Variants in PMM2 observed in about 807,000 individuals in gnomAD.
The protein encoded by PMM2 is mannose-6-phosphate isomerase.
PMM2 carries 35 observed loss-of-function variants against 33.2 expected under a neutral mutation model. The ratio of observed to expected loss-of-function variants is 1.06; its 90% CI spans 0.81 to 1.40. The LOEUF (loss-of-function observed/expected upper bound fraction) is 1.40, where lower values mean the gene tolerates loss of function less well. Ranked by LOEUF, PMM2 falls within the 40% of genes most tolerant of loss-of-function variation. The pLI is 0.00. For synonymous variants in PMM2, 153 were observed against 114.7 expected (o/e 1.33, Z -2.13); for missense variants, 386 against 306.0 (o/e 1.26, Z -1.95).
chr16:8,846,823 C>A (rs1378702714), intron 7 of PMM2, among the ~76,000 whole-genome samples: 2 of 152,170 alleles, frequency 1.3e-5, no homozygotes, highest in East Asian at 3.8e-4. Context: ...GTTCCAGAGA[C>A]CCTGCTTTTA....
At chr16:8,842,851 G>T (rs574070460) in intron 7 of PMM2, among the ~76,000 whole-genome samples, 1 of 152,102 alleles carries the variant, frequency 6.6e-6, no homozygotes, top group African/African-American at 2.4e-5. Context: ...GTTGAGCGGG[G>T]TAAGGGTGAT....
At chr16:8,819,050 A>G (rs1409723290) in intron 7 of PMM2, among the ~76,000 whole-genome samples, 1 of 152,242 alleles carries the variant, frequency 6.6e-6, no homozygotes, top group African/African-American at 2.4e-5. Context: ...ACATGAAAAC[A>G]TTCTAACACT....
At position 8,811,661 on chromosome 16, in the gene PMM2, T is replaced by C; in HGVS notation, c.471T>C (p.Phe157=). ...LDKKENIRQK[F]VADLRKEFAG... ...AGAAAGAAAATATAAGACAAAAGTT[T>C]GTAGCAGATCTACGGAAAGAGTTTG... The change falls in exon 6 of 8, where the codon TTT becomes TTC. Residue 157 remains phenylalanine (F), a synonymous_variant. Coordinates refer to ENST00000268261, the MANE Select transcript of PMM2 (RefSeq NM_000303.3). 6.2e-7 allele frequency: 1 copy of C among 1,612,952 alleles called. No homozygotes were observed. Among genetic ancestry groups the C allele is most frequent in the South Asian group, 1.1e-5 (1 of 91,060 alleles).
chr16:8,848,752 C>A lies in PMM2; in HGVS notation c.*927C>A, dbSNP rs1469294055. 1 of 152,228 alleles carries A rather than the reference C, an allele frequency of 6.6e-6. No individual in the cohort carries two copies. Among genetic ancestry groups the A allele is most frequent in the Non-Finnish European group, 1.5e-5 (1 of 68,062 alleles). 9.4% of individuals were successfully genotyped at this position (152,228 alleles called of 1,614,324 possible). On this transcript the variant is annotated 3_prime_UTR_variant, in exon 8 of 8. Coordinates refer to ENST00000268261, the MANE Select transcript of PMM2 (RefSeq NM_000303.3). Reference sequence around the variant, plus strand: ...AGTTTCTCAGGGATGGAGCGAGAGCCCAGCCAGAGAACAGTAAGAGGAGCT... The same window carrying A: ...AGTTTCTCAGGGATGGAGCGAGAGCACAGCCAGAGAACAGTAAGAGGAGCT...
At chr16:8,822,067 TTTA>T (rs1277993771) in intron 7 of PMM2, among the ~76,000 whole-genome samples, 1 of 152,296 alleles carries the variant, frequency 6.6e-6, no homozygotes, top group East Asian at 1.9e-4. Flanking sequence ...AGACTGGAGT[TTTA>T]TTATTCCTCA....
rs1365138793 is a variant in PMM2, at chr16:8,847,920, C to G, written c.*95C>G. ...GTCCTCCCACACGTGCTCACCCACC[C>G]GCAGCCTAGGCAGGCTCTGCATGCT... On this transcript the variant is annotated 3_prime_UTR_variant, in exon 8 of 8. Transcript: ENST00000268261. 3 of 903,816 alleles carry G rather than the reference C, an allele frequency of 3.3e-6. No individual in the cohort carries two copies. The highest frequency in any genetic ancestry group is 5.3e-6 in the Non-Finnish European group (3 of 561,194). The allele number at this position is 903,816 out of a possible 1,614,324, so 56.0% of individuals were successfully genotyped here. A position where few individuals can be genotyped will look rare whatever the true frequency, so the allele number is the denominator to read the frequency against.
intron 2 of PMM2, chr16:8,802,439 C>T (rs888713997): frequency 5.3e-6 from 2 of 374,286 alleles, no homozygotes; most frequent in Admixed American, 3.6e-5. Context: ...ATGTAGCATT[C>T]TGTAATTATT....
chr16:8,827,291 G>A (rs1487689290), intron 7 of PMM2, among the ~76,000 whole-genome samples: 1 of 150,422 alleles, frequency 6.6e-6, no homozygotes, highest in Non-Finnish European at 1.5e-5. Context: ...AAATAATTCA[G>A]TTGACTGAGA....
At chr16:8,812,778 A>G (rs556350695) in intron 6 of PMM2, among the ~76,000 whole-genome samples, 6 of 152,226 alleles carry the variant, frequency 3.9e-5, no homozygotes, top group Non-Finnish European at 7.3e-5. Context: ...CTGTGCCTCA[A>G]TTTTAGACCT....
intron 7 of PMM2, among the ~76,000 whole-genome samples, chr16:8,830,592 GT>G (rs1596498957): frequency 6.6e-6 from 1 of 152,156 alleles, no homozygotes; most frequent in African/African-American, 2.4e-5. Context: ...CATATTACCT[GT>G]CTGGGTGGCG....
chr16:8,808,191 G>C (rs1190599195), intron 4 of PMM2: 1 of 152,202 alleles, frequency 6.6e-6, no homozygotes, highest in Admixed American at 6.5e-5. Context: ...GGGGAGGCCT[G>C]CATGAGACAG....
chr16:8,829,894 G>A (rs2060799964), intron 7 of PMM2, among the ~76,000 whole-genome samples: 1 of 152,156 alleles, frequency 6.6e-6, no homozygotes, highest in South Asian at 2.1e-4. Context: ...CAAACCAAGA[G>A]TATTCCTCCA....
chr16:8,832,946 G>C, intron 7 of PMM2: 41 of 718,052 alleles, frequency 5.7e-5, no homozygotes, highest in Non-Finnish European at 6.8e-5. Context: ...CCCAAGAGCT[G>C]TCTGTTGATG....
intron 7 of PMM2, among the ~76,000 whole-genome samples, chr16:8,815,761 G>A (rs760231068): frequency 1.6e-4 from 25 of 152,142 alleles, no homozygotes; most frequent in Non-Finnish European, 3.1e-4. Context: ...TGATATTTTA[G>A]ATGTGACACC....
intron 7 of PMM2, among the ~76,000 whole-genome samples, chr16:8,825,045 G>A (rs956848275): frequency 6.6e-6 from 1 of 152,138 alleles, no homozygotes; most frequent in Non-Finnish European, 1.5e-5. Flanking sequence ...TTTTGTTGTT[G>A]TTTGAGGTGG....
At chr16:8,839,866 TG>T (rs1194638562) in intron 7 of PMM2, among the ~76,000 whole-genome samples, 1 of 18,812 alleles carries the variant, frequency 5.3e-5, no homozygotes, top group African/African-American at 1.7e-4. Flanking sequence ...GGTCCGAATA[TG>T]GGGGGAGAAA....
Position 8,847,963 on chromosome 16 carries a change from T to C in PMM2, c.*138T>C. 1 of 661,040 alleles carries C rather than the reference T, an allele frequency of 1.5e-6. No individual in the cohort carries two copies. Among genetic ancestry groups the C allele is most frequent in the East Asian group, 2.7e-5 (1 of 36,492 alleles). 40.9% of individuals were successfully genotyped at this position (661,040 alleles called of 1,614,324 possible). On this transcript the variant is annotated 3_prime_UTR_variant, in exon 8 of 8. Coordinates refer to ENST00000268261, the MANE Select transcript of PMM2 (RefSeq NM_000303.3). The stretch of plus-strand genomic sequence containing the variant: ...TGCATGCTATGCCAGGCATGTGCAG[T>C]CTGGACTTCCACCTCCAGTGCCAGA...
At chr16:8,803,045 A>G (rs1485972492) in intron 2 of PMM2, among the ~76,000 whole-genome samples, 1 of 152,148 alleles carries the variant, frequency 6.6e-6, no homozygotes, top group Non-Finnish European at 1.5e-5. Context: ...TCTACCCACT[A>G]GATGCCCACA....
At chr16:8,830,239 G>A (rs12928991) in intron 7 of PMM2, among the ~76,000 whole-genome samples, 61,833 of 151,998 alleles carry the variant, frequency 0.41, 12,729 homozygotes, top group Non-Finnish European at 0.45. Flanking sequence ...CTACTGAATC[G>A]CTGGAAGATA....
Sources: gnomAD v4.1 joint callset for allele counts (sites outside exome capture counted in the v4.1 genomes callset) on GRCh38, gnomAD v4.1.1 for gene constraint, MANE v1.5 for transcripts, NCBI Gene and HGNC (gene_info 2026-07-23, HGNC 2026-07-21) for gene names.